Variants in LYZL1 observed in about 807,000 individuals in gnomAD.
LYZL1 encodes the protein lysozyme-like protein 1.
Under a neutral mutation model 17.9 loss-of-function variants are expected in LYZL1, and 16 were observed. The observed-to-expected ratio is 0.90, with a 90% CI of 0.61 to 1.36. The LOEUF (loss-of-function observed/expected upper bound fraction) is 1.36, where lower values mean the gene tolerates loss of function less well. Among genes scored for constraint, LYZL1 ranks in the 40% most tolerant of loss-of-function variants. The pLI is 0.00. For missense variants in LYZL1, 149 were observed against 188.4 expected, an observed-to-expected ratio of 0.79 and a Z score of 1.22; for synonymous variants, 58 against 71.8, an observed-to-expected ratio of 0.81 and a Z score of 0.97.
intron 3 of LYZL1, among the ~76,000 whole-genome samples, chr10:29,316,877 C>A (rs1192330075): frequency 6.6e-6 from 1 of 151,988 alleles, no homozygotes; most frequent in Non-Finnish European, 1.5e-5. Context: ...CCACCACTCG[C>A]AGCTAACTTT....
chr10:29,310,982 A>C lies in LYZL1; in HGVS notation c.378-8A>C. 1 of 1,614,070 alleles carries C rather than the reference A, an allele frequency of 6.2e-7. No individual in the cohort carries two copies. Among genetic ancestry groups the C allele is most frequent in the African/African-American group, 1.3e-5 (1 of 75,016 alleles). ...TTTCTGCTGCTCCTGCTTCCCTCTC[A>C]TCCTCAGGCAAGGCTGGAAGAAACA... On this transcript the variant is annotated splice_polypyrimidine_tract_variant and splice_region_variant and intron_variant, in intron 4 of 4. Transcript: ENST00000649382.
chr10:29,314,528 C>T (rs561784592), downstream of LYZL1, among the ~76,000 whole-genome samples: 19 of 152,106 alleles, frequency 1.2e-4, no homozygotes, highest in South Asian at 2.5e-3. Context: ...GTGGGAGGAT[C>T]GCTTGAGCCC....
rs761773604 is a variant in LYZL1, at chr10:29,292,553, C to T, written c.174C>T (p.Asn58=). ...ICMAYYESGY[N]TTAQTVLDDG... ...TGGCATATTATGAGAGCGGCTACAA[C>T]ACCACAGCCCAGACGGTCCTGGATG... Residue 58 remains asparagine, a synonymous_variant, in exon 3 of 5, where the codon AAC becomes AAT. Coordinates refer to ENST00000649382, the MANE Select transcript of LYZL1 (RefSeq NM_032517.6). 6.2e-7 allele frequency: 1 copy of T among 1,614,230 alleles called. No homozygotes were observed. Among genetic ancestry groups the T allele is most frequent in the Non-Finnish European group, 8.5e-7 (1 of 1,180,044 alleles).
chr10:29,301,824 C>G (rs1835522979), intron 3 of LYZL1, among the ~76,000 whole-genome samples: 1 of 152,084 alleles, frequency 6.6e-6, no homozygotes, highest in African/African-American at 2.4e-5. Flanking sequence ...ACATTTATCA[C>G]CATGGCTCTT....
rs373858466 is a variant in LYZL1, at chr10:29,292,001, G to T, written c.134G>T (p.Gly45Val). 1.1e-5 allele frequency: 14 copies of T among 1,289,500 alleles called. 1 individual carries two copies. The African/African-American group carries it at 2.0e-4, about 19-fold the overall frequency. The allele number at this position is 1,289,500 out of a possible 1,614,324, so 79.9% of individuals were successfully genotyped here. A position where few individuals can be genotyped will look rare whatever the true frequency, so the allele number is the denominator to read the frequency against. Reference protein sequence around the residue: ...GLDNYWGFSLGNWICMAYYES... With the variant: ...GLDNYWGFSLVNWICMAYYES... ...GACAATTACTGGGGCTTCAGCCTTG[G>T]AAACTGTGAGACTCTTTCTTTCCTG... The change falls in exon 2 of 5, where the codon GGA (glycine) becomes GTA (valine). Residue 45 changes from glycine to valine, a missense_variant. This residue lies in a region of LYZL1 where 130 missense variants were observed against 132.5 expected (regional missense o/e 0.98). Transcript: ENST00000649382.
At chr10:29,315,046 T>C (rs953267033), downstream of LYZL1, among the ~76,000 whole-genome samples, 1 of 152,062 alleles carries the variant, frequency 6.6e-6, no homozygotes, top group Admixed American at 6.6e-5. Context: ...GCAGGAACAA[T>C]TTAGTCTCTT....
chr10:29,295,880 C>T (rs1835440317), intron 3 of LYZL1, among the ~76,000 whole-genome samples: 1 of 152,134 alleles, frequency 6.6e-6, no homozygotes. Flanking sequence ...CAGGTGACAA[C>T]CTGCAAGCAA....
At chr10:29,313,177 A>G (rs180958043), downstream of LYZL1, among the ~76,000 whole-genome samples, 5 of 152,360 alleles carry the variant, frequency 3.3e-5, no homozygotes, top group Non-Finnish European at 5.9e-5. Flanking sequence ...TTTAACAGGC[A>G]TTATAAACCC....
At chr10:29,294,823 T>C (rs769139277) in intron 3 of LYZL1, among the ~76,000 whole-genome samples, 1 of 152,192 alleles carries the variant, frequency 6.6e-6, no homozygotes, top group Non-Finnish European at 1.5e-5. Context: ...ACCCTGTATA[T>C]ACTATGATTT....
chr10:29,298,487 T>C (rs1247716642), intron 3 of LYZL1, among the ~76,000 whole-genome samples: 3 of 152,206 alleles, frequency 2.0e-5, no homozygotes, highest in Non-Finnish European at 4.4e-5. Flanking sequence ...ACTGTGTGCG[T>C]TGGCCTCTGA....
chr10:29,313,056 C>A (rs1835691269), downstream of LYZL1, among the ~76,000 whole-genome samples: 1 of 152,178 alleles, frequency 6.6e-6, no homozygotes, highest in Admixed American at 6.5e-5. Context: ...CCTTTCCTGC[C>A]CACCGGCTTG....
At chr10:29,317,129 A>G (rs1281420249) in intron 3 of LYZL1, among the ~76,000 whole-genome samples, 1 of 152,200 alleles carries the variant, frequency 6.6e-6, no homozygotes, top group Non-Finnish European at 1.5e-5. Context: ...AATATTTTCT[A>G]ACACATGACA....
chr10:29,318,286 T>C (rs993875863), exon 5 of LYZL1: 42 of 621,878 alleles, frequency 6.8e-5, no homozygotes, highest in Admixed American at 2.5e-4. Flanking sequence ...ATACTTGCCT[T>C]GAGAAAGCAT....
intron 4 of LYZL1, chr10:29,317,499 A>G (rs748142148): frequency 6.6e-6 from 1 of 152,204 alleles, no homozygotes; most frequent in Non-Finnish European, 1.5e-5. Context: ...AATCCTAAAC[A>G]TGCCATTACC....
At chr10:29,299,650 A>T (rs1257335207) in intron 3 of LYZL1, among the ~76,000 whole-genome samples, 3 of 152,094 alleles carry the variant, frequency 2.0e-5, no homozygotes, top group Non-Finnish European at 2.9e-5. Flanking sequence ...TGGTGAATTG[A>T]CCCTTTTGTC....
At chr10:29,314,220 G>T (rs551797146), downstream of LYZL1, among the ~76,000 whole-genome samples, 1 of 152,180 alleles carries the variant, frequency 6.6e-6, no homozygotes, top group Admixed American at 6.5e-5. Flanking sequence ...CACATGGCTG[G>T]TGTGTGCTGT....
intron 4 of LYZL1, among the ~76,000 whole-genome samples, chr10:29,317,935 C>T (rs78434397): frequency 0.037 from 5,376 of 147,254 alleles, 132 homozygotes; most frequent in Middle Eastern, 0.1. Flanking sequence ...CAGAGTGAGA[C>T]CCTGTCTCTT....
intron 1 of LYZL1, among the ~76,000 whole-genome samples, chr10:29,291,023 GCTGT>G (rs1835356808): frequency 6.6e-6 from 1 of 152,178 alleles, no homozygotes; most frequent in East Asian, 1.9e-4. Flanking sequence ...GCTGAAATGG[GCTGT>G]CTGTTTCTAC....
At chr10:29,313,099 C>T (rs1472479989), downstream of LYZL1, among the ~76,000 whole-genome samples, 46 of 152,108 alleles carry the variant, frequency 3.0e-4, no homozygotes, top group Admixed American at 2.9e-3. Flanking sequence ...AACGCCTAAC[C>T]GCTACTTGCC....
Sources: gnomAD v4.1 joint callset for allele counts (sites outside exome capture counted in the v4.1 genomes callset) on GRCh38, gnomAD v4.1.1 for gene constraint, gnomAD v4.1.1 regional missense constraint, MANE v1.5 for transcripts, NCBI Gene and HGNC (gene_info 2026-07-23, HGNC 2026-07-21) for gene names.